Variants in SOX5 observed in about 807,000 individuals in gnomAD.
SOX5 encodes transcription factor SOX-5.
A neutral mutation model predicts 92.0 loss-of-function variants in SOX5; 9 were observed. The ratio of observed to expected loss-of-function variants is 0.10; its 90% CI spans 0.06 to 0.17. The LOEUF (loss-of-function observed/expected upper bound fraction) is 0.17. Among genes scored for constraint, SOX5 ranks in the 10% least tolerant of loss-of-function variants. The probability of loss-of-function intolerance (pLI) is 1.00; values close to 1 mark genes in which losing one functional copy is unlikely to be tolerated. For missense variants in SOX5, 642 were observed against 944.5 expected (o/e 0.68, Z 4.20); for synonymous variants, 344 against 336.3 (o/e 1.02, Z -0.25).
At chr12:23,943,210 G>A (rs1943973855) in intron 1 of SOX5, among the ~76,000 whole-genome samples, 1 of 151,588 alleles carries the variant, frequency 6.6e-6, no homozygotes, top group Non-Finnish European at 1.5e-5. Context: ...GAATATCAGA[G>A]ATACCCACTT....
intron 6 of SOX5, among the ~76,000 whole-genome samples, chr12:23,695,000 G>T (rs1041369703): frequency 2.6e-5 from 4 of 151,792 alleles, no homozygotes; most frequent in Non-Finnish European, 5.9e-5. Flanking sequence ...CATACCTGTA[G>T]TCCTAGCTAC....
At chr12:24,207,343 A>C (rs937854464) in intron 4 of SOX5, among the ~76,000 whole-genome samples, 1 of 152,186 alleles carries the variant, frequency 6.6e-6, no homozygotes, top group African/African-American at 2.4e-5. Context: ...CCTATAACCG[A>C]GAACAATATC....
intron 1 of SOX5, among the ~76,000 whole-genome samples, chr12:24,561,990 C>A (rs117898821): frequency 0.014 from 2,172 of 152,326 alleles, 35 homozygotes; most frequent in Non-Finnish European, 0.024. Context: ...AGCAACAGTA[C>A]GCAGGCTTCC....
chr12:23,983,931 T>C (rs984035802), intron 4 of SOX5, among the ~76,000 whole-genome samples: 1 of 152,096 alleles, frequency 6.6e-6, no homozygotes, highest in Non-Finnish European at 1.5e-5. Flanking sequence ...TAAACCTCAA[T>C]GTGCAGCTTG....
chr12:24,435,940 A>G (rs1344708212), intron 1 of SOX5, among the ~76,000 whole-genome samples: 7 of 152,230 alleles, frequency 4.6e-5, no homozygotes, highest in Admixed American at 4.6e-4. Flanking sequence ...GGCCAAGATC[A>G]GGGATCTTTG....
At chr12:24,248,750 T>C (rs1939418920) in intron 3 of SOX5, among the ~76,000 whole-genome samples, 1 of 152,180 alleles carries the variant, frequency 6.6e-6, no homozygotes, top group Non-Finnish European at 1.5e-5. Flanking sequence ...ATGTTCATCC[T>C]TGGACTGTAG....
In SOX5 at chr12:24,266,262, A is replaced by G. The variant is rs1943009881; in HGVS notation, c.-77+10954T>C. Among the ~76,000 whole-genome samples, 3 of 152,148 alleles carry G rather than the reference A, an allele frequency of 2.0e-5. No homozygotes were observed. The South Asian group carries it at 6.2e-4, about 32-fold the overall frequency. ...AGGTTTTCAGTTTTGTGTTACTATT[A>G]ACACTATATCCCTTTAGCTATAAAC... On this transcript the variant is annotated intron_variant, in intron 3 of 4. Coordinates refer to the SOX5 transcript ENST00000446891.
chr12:23,617,128 GAA>G (rs34672362), intron 8 of SOX5, among the ~76,000 whole-genome samples: 1,251 of 106,120 alleles, frequency 0.012, 10 homozygotes, highest in African/African-American at 0.033. Flanking sequence ...TCTGTCTCAA[GAA>G]AAAAAAAAAA....
intron 2 of SOX5, among the ~76,000 whole-genome samples, chr12:23,871,187 T>C (rs1173164183): frequency 1.3e-5 from 2 of 152,202 alleles, no homozygotes; most frequent in Non-Finnish European, 2.9e-5. Context: ...TTACAAATAA[T>C]CAAGTTTTCT....
chr12:24,111,249 G>A (rs189035657), intron 4 of SOX5, among the ~76,000 whole-genome samples: 9 of 152,102 alleles, frequency 5.9e-5, no homozygotes, highest in African/African-American at 2.2e-4. Flanking sequence ...ATCTGGAAAA[G>A]GCTTCAGGGA....
At chr12:23,860,634 T>C (rs2096744302) in intron 2 of SOX5, among the ~76,000 whole-genome samples, 1 of 152,152 alleles carries the variant, frequency 6.6e-6, no homozygotes, top group Non-Finnish European at 1.5e-5. Context: ...AATTCAATTG[T>C]TTGAGATCTT....
chr12:24,159,901 C>A (rs1284042147), intron 4 of SOX5, among the ~76,000 whole-genome samples: 1 of 151,952 alleles, frequency 6.6e-6, no homozygotes, highest in Non-Finnish European at 1.5e-5. Context: ...TTTTCAACAA[C>A]AACAGATAAC....
intron 4 of SOX5, among the ~76,000 whole-genome samples, chr12:23,957,197 A>T (rs1359611502): frequency 6.6e-6 from 1 of 152,184 alleles, no homozygotes; most frequent in African/African-American, 2.4e-5. Flanking sequence ...GCAATATAAG[A>T]CAGTGAGGAA....
chr12:24,529,936 C>T (rs890361042), intron 1 of SOX5, among the ~76,000 whole-genome samples: 9 of 144,280 alleles, frequency 6.2e-5, no homozygotes, highest in Non-Finnish European at 1.2e-4. Flanking sequence ...AGGAGAATGG[C>T]GTGAACCCGG....
In SOX5 at chr12:24,438,057, A is replaced by C. The variant is rs555855378; in HGVS notation, c.-250-69418T>G. ...CAAATGCCCATCAATGACAGACTGG[A>C]TAAAGAAAACGTGGCACATATATAC... On this transcript the variant is annotated intron_variant, in intron 1 of 4. Coordinates refer to the SOX5 transcript ENST00000446891. 1.1e-3 allele frequency among the ~76,000 whole-genome samples: 172 copies of C among 152,374 alleles called. 2 individuals carry two copies. Among genetic ancestry groups the C allele is most frequent in the African/African-American group, 3.1e-3 (127 of 41,588 alleles).
At chr12:24,410,213 G>T (rs74562718) in intron 1 of SOX5, among the ~76,000 whole-genome samples, 35 of 152,090 alleles carry the variant, frequency 2.3e-4, no homozygotes, top group African/African-American at 8.0e-4. Context: ...GACCAGGCTG[G>T]TCTCCAACTC....
In SOX5 at chr12:23,772,836, G is replaced by A. The variant is rs143262845; in HGVS notation, c.482-17112C>T. On this transcript the variant is annotated intron_variant, in intron 3 of 14. Transcript: ENST00000451604. ...GGTGTTTGTCACCATCAACATCATT[G>A]TCATCAGCATCATGACCATATTAAA... Among the ~76,000 whole-genome samples, 54 of 152,250 alleles carry A rather than the reference G, an allele frequency of 3.5e-4. No individual in the cohort carries two copies. In the East Asian group the frequency reaches 7.3e-3, roughly 21 times the overall value.
chr12:23,535,638 G>A (rs1405570648), intron 14 of SOX5, among the ~76,000 whole-genome samples: 1 of 152,166 alleles, frequency 6.6e-6, no homozygotes, highest in Admixed American at 6.5e-5. Context: ...GGAGTCATGT[G>A]CTTGCATATG....
intron 6 of SOX5, among the ~76,000 whole-genome samples, chr12:23,730,246 C>T (rs1254871947): frequency 6.6e-6 from 1 of 152,054 alleles, no homozygotes. Context: ...TCCAAAAATT[C>T]TAGAAAGATA....
Sources: gnomAD v4.1 joint callset for allele counts (sites outside exome capture counted in the v4.1 genomes callset) on GRCh38, gnomAD v4.1.1 for gene constraint, MANE v1.5 for transcripts, NCBI Gene and HGNC (gene_info 2026-07-23, HGNC 2026-07-21) for gene names.